LOC128092253: variants seen among roughly 807,000 people sequenced by gnomAD.
the LOC128092253 span, among the ~76,000 whole-genome samples, chr6:133,963,735 G>A: frequency 0.64 from 97,622 of 151,440 alleles, 32,310 homozygotes; most frequent in African/African-American, 0.74. Flanking sequence ...TCTTTTTCTT[G>A]ATCGTTAAGA....
At chr6:133,954,882 AG>A in the LOC128092253 span, among the ~76,000 whole-genome samples, 1 of 152,100 alleles carries the variant, frequency 6.6e-6, no homozygotes, top group Non-Finnish European at 1.5e-5. Context: ...TTCCTGAATG[AG>A]GGCTAGCCAG....
chr6:133,976,659 A>G, the LOC128092253 span, among the ~76,000 whole-genome samples: 2 of 152,174 alleles, frequency 1.3e-5, no homozygotes, highest in Non-Finnish European at 2.9e-5. Context: ...TAAAAATACA[A>G]GGGACATGTT....
chr6:133,959,049 T>G, the LOC128092253 span, among the ~76,000 whole-genome samples: 1 of 152,132 alleles, frequency 6.6e-6, no homozygotes, highest in African/African-American at 2.4e-5. Context: ...GGAAATTTTT[T>G]TTTTGTTTGA....
At chr6:133,960,940 A>G in the LOC128092253 span, among the ~76,000 whole-genome samples, 2 of 152,224 alleles carry the variant, frequency 1.3e-5, no homozygotes, top group Non-Finnish European at 1.5e-5. Context: ...CTTTTCTTAC[A>G]TCAGAAATAT....
chr6:133,955,283 A>G, the LOC128092253 span, among the ~76,000 whole-genome samples: 1 of 149,954 alleles, frequency 6.7e-6, no homozygotes, highest in East Asian at 2.0e-4. Context: ...GTCAAGCCCT[A>G]GCTTCCACCT....
chr6:133,974,359 A>C, the LOC128092253 span, among the ~76,000 whole-genome samples: 1 of 152,158 alleles, frequency 6.6e-6, no homozygotes, highest in Non-Finnish European at 1.5e-5. Context: ...TTTGAGATGG[A>C]GTCTTGCTCT....
chr6:133,974,271 A>T, the LOC128092253 span, among the ~76,000 whole-genome samples: 2 of 152,124 alleles, frequency 1.3e-5, no homozygotes, highest in Non-Finnish European at 2.9e-5. Flanking sequence ...TTTTCATTGG[A>T]TGTGCAGGTT....
the LOC128092253 span, chr6:133,968,934 T>G: frequency 2.6e-5 from 4 of 152,252 alleles, no homozygotes; most frequent in African/African-American, 4.8e-5. Context: ...GTGCTGAGAT[T>G]ACAGGCGTGA....
At chr6:133,962,652 G>A in the LOC128092253 span, among the ~76,000 whole-genome samples, 1 of 152,220 alleles carries the variant, frequency 6.6e-6, no homozygotes, top group Non-Finnish European at 1.5e-5. Flanking sequence ...GGTCAGGATA[G>A]ATGTAGGAGC....
the LOC128092253 span, among the ~76,000 whole-genome samples, chr6:133,978,179 A>G: frequency 6.6e-6 from 1 of 152,202 alleles, no homozygotes; most frequent in Non-Finnish European, 1.5e-5. Context: ...TGCTGTCCAG[A>G]TGGCTCAGTA....
At chr6:133,966,867 G>C in the LOC128092253 span, among the ~76,000 whole-genome samples, 1 of 152,152 alleles carries the variant, frequency 6.6e-6, no homozygotes. Context: ...CTGGACTGCT[G>C]TGCTACCCAT....
At chr6:133,953,734 G>A in the LOC128092253 span, among the ~76,000 whole-genome samples, 3 of 151,942 alleles carry the variant, frequency 2.0e-5, no homozygotes, top group Non-Finnish European at 2.9e-5. Flanking sequence ...GAAAAGAAGG[G>A]TTATCTTTCG....
chr6:133,970,993 G>GT, the LOC128092253 span, among the ~76,000 whole-genome samples: 2 of 152,178 alleles, frequency 1.3e-5, no homozygotes, highest in Non-Finnish European at 2.9e-5. Flanking sequence ...ATACTTTACT[G>GT]TTCACCATGG....
the LOC128092253 span, among the ~76,000 whole-genome samples, chr6:133,976,087 G>C: frequency 6.6e-6 from 1 of 152,106 alleles, no homozygotes; most frequent in Non-Finnish European, 1.5e-5. Flanking sequence ...GAAATGTACT[G>C]TATATGCATT....
At chr6:133,971,472 T>G in the LOC128092253 span, among the ~76,000 whole-genome samples, 16 of 152,178 alleles carry the variant, frequency 1.1e-4, no homozygotes, top group Admixed American at 1.0e-3. Context: ...TATTTTTAAT[T>G]TTTTGAGGAA....
chr6:133,956,871 T>C, the LOC128092253 span, among the ~76,000 whole-genome samples: 1 of 152,216 alleles, frequency 6.6e-6, no homozygotes, highest in Non-Finnish European at 1.5e-5. Flanking sequence ...ACTACCACTT[T>C]GGGAAATTTC....
At chr6:133,961,918 A>T in the LOC128092253 span, among the ~76,000 whole-genome samples, 1 of 152,176 alleles carries the variant, frequency 6.6e-6, no homozygotes, top group Non-Finnish European at 1.5e-5. Flanking sequence ...TTCCACTGAA[A>T]TACAACTGCC....
chr6:133,972,885 G>C, the LOC128092253 span, among the ~76,000 whole-genome samples: 3 of 152,138 alleles, frequency 2.0e-5, no homozygotes, highest in African/African-American at 7.2e-5. Context: ...ACCCTGTGAG[G>C]TACAGGTGGT....
the LOC128092253 span, among the ~76,000 whole-genome samples, chr6:133,977,450 A>C: frequency 6.6e-6 from 1 of 151,952 alleles, no homozygotes; most frequent in Non-Finnish European, 1.5e-5. Flanking sequence ...AGTTTTACTT[A>C]TATTGTCCTT....
Sources: allele counts gnomAD v4.1 joint callset (sites outside exome capture counted in the v4.1 genomes callset), GRCh38; gene constraint gnomAD v4.1.1; transcripts MANE v1.5.